PEX14: variants seen among roughly 807,000 people sequenced by gnomAD.
PEX14 encodes the protein peroxisomal membrane protein PEX14.
In PEX14, 15 loss-of-function variants were observed where a neutral mutation model predicts 49.5. That is an observed-to-expected ratio of 0.30 (90% CI 0.20 to 0.47). The LOEUF (loss-of-function observed/expected upper bound fraction) is 0.47, where lower values mean the gene tolerates loss of function less well. Among genes scored for constraint, PEX14 ranks in the 20% least tolerant of loss-of-function variants. The pLI is 1.00. For synonymous variants in PEX14, 210 were observed against 212.7 expected, an observed-to-expected ratio of 0.99 and a Z score of 0.11; for missense variants, 398 against 494.8, an observed-to-expected ratio of 0.80 and a Z score of 1.86.
At chr1:10,500,331 G>A (rs1052479231) in intron 2 of PEX14, among the ~76,000 whole-genome samples, 11 of 128,612 alleles carry the variant, frequency 8.6e-5, no homozygotes, top group African/African-American at 1.8e-4. Context: ...CCGAGATCGC[G>A]CTACTGCCCT....
chr1:10,575,364 T>C (rs1640091449), intron 3 of PEX14, among the ~76,000 whole-genome samples: 1 of 152,092 alleles, frequency 6.6e-6, no homozygotes, highest in Non-Finnish European at 1.5e-5. Context: ...AAAAAGTAAA[T>C]GAGAATATGA....
chr1:10,538,469 C>A (rs1417750456), intron 3 of PEX14, among the ~76,000 whole-genome samples: 1 of 152,230 alleles, frequency 6.6e-6, no homozygotes, highest in African/African-American at 2.4e-5. Context: ...AGGTTAATCA[C>A]CCATCTCCAT....
intron 3 of PEX14, among the ~76,000 whole-genome samples, chr1:10,543,628 A>G (rs149869597): frequency 1.9e-4 from 29 of 152,258 alleles, no homozygotes; most frequent in African/African-American, 5.8e-4. Context: ...TTAGGACCCA[A>G]TATTATATAA....
chr1:10,522,193 C>T (rs1269309599), intron 2 of PEX14, among the ~76,000 whole-genome samples: 1 of 152,184 alleles, frequency 6.6e-6, no homozygotes, highest in African/African-American at 2.4e-5. Flanking sequence ...CACAGTGAGG[C>T]CAGTGTTCAC....
At chr1:10,501,396 C>G (rs1277881249) in intron 2 of PEX14, among the ~76,000 whole-genome samples, 1 of 152,134 alleles carries the variant, frequency 6.6e-6, no homozygotes, top group Non-Finnish European at 1.5e-5. Context: ...GCTCTGCCCC[C>G]CAGGGTTCAT....
intron 4 of PEX14, among the ~76,000 whole-genome samples, chr1:10,603,133 A>G (rs1641034057): frequency 6.6e-6 from 1 of 152,190 alleles, no homozygotes; most frequent in Non-Finnish European, 1.5e-5. Context: ...GTTGACCTTG[A>G]GATGTTAGCA....
intron 2 of PEX14, among the ~76,000 whole-genome samples, chr1:10,535,658 G>A (rs1277403552): frequency 6.6e-6 from 1 of 152,138 alleles, no homozygotes; most frequent in Non-Finnish European, 1.5e-5. Context: ...CAATTATATG[G>A]TACACAGTAC....
chr1:10,558,736 CA>C (rs34343338), intron 3 of PEX14, among the ~76,000 whole-genome samples: 55,399 of 112,968 alleles, frequency 0.49, 11,197 homozygotes, highest in East Asian at 0.53. Context: ...GACCCTGTCT[CA>C]AAAAAAAAAA....
At chr1:10,483,742 A>G (rs1641322157) in intron 1 of PEX14, among the ~76,000 whole-genome samples, 2 of 129,978 alleles carry the variant, frequency 1.5e-5, no homozygotes, top group South Asian at 5.8e-4. Flanking sequence ...AATTGTATAT[A>G]CGTGTGTAAC....
chr1:10,556,914 C>T (rs1639506436), intron 3 of PEX14, among the ~76,000 whole-genome samples: 1 of 152,096 alleles, frequency 6.6e-6, no homozygotes. Context: ...GTGACTTGGG[C>T]CAGAGGGAGG....
chr1:10,569,646 A>T (rs903548716), intron 3 of PEX14, among the ~76,000 whole-genome samples: 1 of 152,182 alleles, frequency 6.6e-6, no homozygotes, highest in African/African-American at 2.4e-5. Context: ...CATGGGAGGT[A>T]AGCAGCTTTT....
At chr1:10,589,942 TGATAGGCTGGAAGTCA>T (rs1362257649) in intron 3 of PEX14, among the ~76,000 whole-genome samples, 2 of 152,200 alleles carry the variant, frequency 1.3e-5, no homozygotes, top group Admixed American at 1.3e-4. Context: ...TACATCTGAA[TGATAGGCTGGAAGTCA>T]GAGATGTCAG....
intron 2 of PEX14, among the ~76,000 whole-genome samples, chr1:10,526,113 G>A (rs1638470908): frequency 6.6e-6 from 1 of 150,730 alleles, no homozygotes; most frequent in Non-Finnish European, 1.5e-5. Flanking sequence ...AGTAGAGACG[G>A]GTTTCACCGT....
rs567528945 is a variant in PEX14, at chr1:10,558,285, C to T, written c.169+21988C>T. Among the ~76,000 whole-genome samples the T allele has an allele frequency of 4.6e-5, 7 of 152,024 alleles. 1 individual carries two copies. Among genetic ancestry groups the T allele is most frequent in the African/African-American group, 1.2e-4 (5 of 41,502 alleles). On this transcript the variant is annotated intron_variant, in intron 3 of 8. Transcript: ENST00000356607. ...GGCTTCCCAAAGTGCTGCGATTACA[C>T]GTGTGAGCCACCGTGCCCGGCCTGC...
chr1:10,567,032 C>T (rs992734933), intron 3 of PEX14, among the ~76,000 whole-genome samples: 2 of 152,284 alleles, frequency 1.3e-5, no homozygotes, highest in South Asian at 2.1e-4. Flanking sequence ...CACTACTCAT[C>T]GCCACTGTGG....
chr1:10,493,141 C>T (rs989654948), intron 1 of PEX14, among the ~76,000 whole-genome samples: 1 of 152,148 alleles, frequency 6.6e-6, no homozygotes, highest in Non-Finnish European at 1.5e-5. Flanking sequence ...GAGGTGTAGT[C>T]AGAGTAGACG....
chr1:10,625,044 C>G (rs3790634), intron 7 of PEX14, among the ~76,000 whole-genome samples: 2 of 152,266 alleles, frequency 1.3e-5, no homozygotes, highest in East Asian at 3.9e-4. Context: ...CTGGTCCTGC[C>G]ACTTGTTAGC....
At position 10,608,303 on chromosome 1, in the gene PEX14, C is replaced by T. The variant is rs529123876; in HGVS notation, c.298+8937C>T. ...GGTTCGTTTCTCCCCATAAGGATAT[C>T]CAGTTGTGCCTATACCTTATGTTCA... On this transcript the variant is annotated intron_variant, in intron 4 of 8. Coordinates refer to ENST00000356607, the MANE Select transcript of PEX14 (RefSeq NM_004565.3). Among the ~76,000 whole-genome samples the T allele has an allele frequency of 6.6e-5, 10 of 152,286 alleles. No homozygotes were observed. The South Asian group carries it at 2.1e-3, about 32-fold the overall frequency.
intron 2 of PEX14, among the ~76,000 whole-genome samples, chr1:10,496,430 G>A (rs1435614564): frequency 6.6e-6 from 1 of 152,182 alleles, no homozygotes; most frequent in Non-Finnish European, 1.5e-5. Context: ...CACCTTGCTA[G>A]TCTCTCCGGA....
Sources: allele counts gnomAD v4.1 joint callset (sites outside exome capture counted in the v4.1 genomes callset), GRCh38; gene constraint gnomAD v4.1.1; transcripts MANE v1.5; gene names NCBI Gene and HGNC (gene_info 2026-07-23, HGNC 2026-07-21).